Variants in ALMS1 observed in about 807,000 individuals in gnomAD.
ALMS1 encodes the protein centrosome-associated protein ALMS1.
A neutral mutation model predicts 352.2 loss-of-function variants in ALMS1; 271 were observed. That is an observed-to-expected ratio of 0.77 (90% CI 0.70 to 0.85). ALMS1 has a LOEUF of 0.85. Among genes scored for constraint, ALMS1 ranks in the 40% least tolerant of loss-of-function variants. The probability of loss-of-function intolerance (pLI) is 0.00; values close to 1 mark genes in which losing one functional copy is unlikely to be tolerated. For missense variants in ALMS1, 5,445 were observed against 4,870.7 expected (o/e 1.12, Z -3.51); for synonymous variants, 1,865 against 1,761.2 (o/e 1.06, Z -1.48).
chr2:73,405,807 G>A (rs1026842863), intron 1 of ALMS1, among the ~76,000 whole-genome samples: 22 of 151,726 alleles, frequency 1.4e-4, no homozygotes, highest in East Asian at 5.8e-4. Context: ...TACTTCTGTC[G>A]TGACCCATTG....
intron 12 of ALMS1, among the ~76,000 whole-genome samples, 168 bp downstream of exon 12, chr2:73,535,117 T>C (rs889955088): frequency 5.9e-5 from 9 of 152,224 alleles, no homozygotes; most frequent in Non-Finnish European, 1.0e-4. Flanking sequence ...TGATCAGATA[T>C]ATACACATAA....
rs1029393339 is a variant in ALMS1 at position 73,419,215 on chromosome 2, T to A, written c.543T>A (p.Asp181Glu). ...SQTRFNVRTEDTEVTDFPSLE... is the reference protein window; with the variant it reads ...SQTRFNVRTEETEVTDFPSLE... ...CTAGGTTTAATGTGAGAACGGAAGA[T>A]ACTGAAGTGACAGACTTCCCCTCTC... Residue 181 changes from aspartate to glutamate, a missense_variant, in exon 3 of 23, where the codon GAT (aspartate) becomes GAA (glutamate). Transcript: ENST00000613296. 1 of 1,613,854 alleles carries A rather than the reference T, an allele frequency of 6.2e-7. No individual in the cohort carries two copies. Among genetic ancestry groups the A allele is most frequent in the African/African-American group, 1.3e-5 (1 of 74,944 alleles).
In ALMS1 at chr2:73,451,954, A is replaced by G; in HGVS notation, c.5427A>G (p.Arg1809=). The G allele has an allele frequency of 6.2e-7, 1 of 1,613,806 alleles. No homozygotes were observed. The highest frequency in any genetic ancestry group is 1.1e-5 in the South Asian group (1 of 91,066). ...TAACCTCTACTTCCTACTCACACAG[A>G]GAGAAGCCCATTGTTTCCTACCAGC... ...STVTSTSYSH[R]EKPIVSYQRE... The change falls in exon 8 of 23, where the codon AGA becomes AGG. Residue 1809 remains arginine, a synonymous_variant. Transcript: ENST00000613296.
chr2:73,482,735 G>C (rs1390995628), intron 9 of ALMS1, among the ~76,000 whole-genome samples: 1 of 151,960 alleles, frequency 6.6e-6, no homozygotes, highest in East Asian at 1.9e-4. Context: ...GTAAGCTATT[G>C]ATTATTGCCA....
chr2:73,386,341 TGCCG>T, intron 1 of ALMS1, 149 bp downstream of exon 1: 2 of 1,164,810 alleles, frequency 1.7e-6, no homozygotes, highest in Non-Finnish European at 2.3e-6. Flanking sequence ...CCAGCCCAGG[TGCCG>T]GCCGGCTGCT....
At chr2:73,505,795 A>G (rs930349328) in intron 10 of ALMS1, among the ~76,000 whole-genome samples, 2 of 152,116 alleles carry the variant, frequency 1.3e-5, no homozygotes, top group African/African-American at 4.8e-5. Context: ...CTTTAGTTTA[A>G]TTAGATCTAA....
At chr2:73,395,519 T>TC (rs1459613060) in intron 1 of ALMS1, among the ~76,000 whole-genome samples, 1 of 152,170 alleles carries the variant, frequency 6.6e-6, no homozygotes, top group African/African-American at 2.4e-5. Context: ...CTTTTTTTCT[T>TC]AAATTCTTCA....
At chr2:73,429,425 G>A (rs574967788) in intron 6 of ALMS1, among the ~76,000 whole-genome samples, 4 of 152,012 alleles carry the variant, frequency 2.6e-5, no homozygotes, top group Non-Finnish European at 5.9e-5. Flanking sequence ...GGGATTACAG[G>A]TGCCTGCCAC....
intron 6 of ALMS1, among the ~76,000 whole-genome samples, chr2:73,429,185 C>T (rs920442576): frequency 6.6e-6 from 1 of 151,712 alleles, no homozygotes; most frequent in African/African-American, 2.4e-5. Context: ...TTTGCTGAAA[C>T]TAGACTACTA....
chr2:73,479,263 G>C (rs1672646380), intron 9 of ALMS1, among the ~76,000 whole-genome samples: 1 of 151,986 alleles, frequency 6.6e-6, no homozygotes, highest in Admixed American at 6.6e-5. Context: ...TTGCATAACT[G>C]TGGTGATATA....
intron 13 of ALMS1, 80 bp downstream of exon 13, chr2:73,550,517 C>A: frequency 1.9e-6 from 3 of 1,556,846 alleles, no homozygotes; most frequent in East Asian, 2.3e-5. Flanking sequence ...AATCTTTATC[C>A]TTTTTTTCTG....
rs766361400 is a variant in ALMS1, at chr2:73,408,622, A to G, written c.325A>G (p.Ile109Val). 6.2e-7 allele frequency: 1 copy of G among 1,612,866 alleles called. No homozygotes were observed. The highest frequency in any genetic ancestry group is 1.3e-5 in the African/African-American group (1 of 74,968). ...SEGERTSLEK[I>V]VPLTCHVWQQ... ...ATTTAAGCCTGCTTTTGATTTTCAGATTGTTCCATTGACCTGTCATGTATG... is the reference window on the plus strand; with the variant it reads ...ATTTAAGCCTGCTTTTGATTTTCAGGTTGTTCCATTGACCTGTCATGTATG... Residue 109 changes from isoleucine to valine, a missense_variant and splice_region_variant, in exon 2 of 23, where the codon ATT (isoleucine) becomes GTT (valine). By Grantham distance (29) the Ile-to-Val change is conservative. Transcript: ENST00000613296.
intron 12 of ALMS1, among the ~76,000 whole-genome samples, chr2:73,549,568 T>A (rs2104032308): frequency 6.6e-6 from 1 of 152,348 alleles, no homozygotes; most frequent in African/African-American, 2.4e-5. Context: ...TTCTTTTCTT[T>A]GCTTATGCTA....
At position 73,449,038 on chromosome 2, in the gene ALMS1, T is replaced by G. The variant is rs1202025416; in HGVS notation, c.2511T>G (p.Val837=). The G allele has an allele frequency of 6.2e-7, 1 of 1,613,934 alleles. No homozygotes were observed. Among genetic ancestry groups the G allele is most frequent in the Non-Finnish European group, 8.5e-7 (1 of 1,179,944 alleles). ...DSHLPEEALK[V]SAVSGPADGK... ...ATCTACCCGAAGAGGCTCTGAAAGT[T>G]TCAGCTGTTTCTGGACCAGCTGACG... The change falls in exon 8 of 23, where the codon GTT becomes GTG. Residue 837 remains valine (V), a synonymous_variant. Coordinates refer to ENST00000613296, the MANE Select transcript of ALMS1 (RefSeq NM_001378454.1).
At chr2:73,608,089 T>C (rs974605436) in intron 21 of ALMS1, among the ~76,000 whole-genome samples, 1 of 152,212 alleles carries the variant, frequency 6.6e-6, no homozygotes, top group Non-Finnish European at 1.5e-5. Context: ...TTAGTACTTT[T>C]CCATAATTTC....
At chr2:73,417,481 A>G (rs1182415998) in intron 2 of ALMS1, among the ~76,000 whole-genome samples, 1 of 152,228 alleles carries the variant, frequency 6.6e-6, no homozygotes, top group Non-Finnish European at 1.5e-5. Flanking sequence ...TTGTGACCAT[A>G]TATGTGTGAA....
In ALMS1 at chr2:73,450,360, C is replaced by T. The variant is rs1292358818; in HGVS notation, c.3833C>T (p.Thr1278Ile). Residue 1278 changes from threonine to isoleucine, a missense_variant, in exon 8 of 23, where the codon ACA becomes ATA. Coordinates refer to ENST00000613296, the MANE Select transcript of ALMS1 (RefSeq NM_001378454.1). ...ASEPVDQTTG[T>I]PAVTSTSYSQ... Reference sequence around the variant, plus strand: ...GAACCAGTTGACCAGACAACTGGCACACCAGCTGTAACCTCTACTTCCTAC... The same window carrying T: ...GAACCAGTTGACCAGACAACTGGCATACCAGCTGTAACCTCTACTTCCTAC... The T allele has an allele frequency of 6.2e-7, 1 of 1,613,074 alleles. No homozygotes were observed. The highest frequency in any genetic ancestry group is 2.2e-5 in the East Asian group (1 of 44,842).
chr2:73,544,389 T>C (rs1236239952), intron 12 of ALMS1, among the ~76,000 whole-genome samples: 2 of 152,018 alleles, frequency 1.3e-5, no homozygotes, highest in East Asian at 1.9e-4. Flanking sequence ...CGGGGAGGGA[T>C]AGCATTAGGA....
Position 73,450,149 on chromosome 2 carries a change from G to A in ALMS1, c.3622G>A (p.Gly1208Ser). The A allele has an allele frequency of 1.9e-6, 3 of 1,614,044 alleles. No individual in the cohort carries two copies. The highest frequency in any genetic ancestry group is 2.5e-6 in the Non-Finnish European group (3 of 1,179,984). ...PGIFYQQTLP[G>S]SHIPEEAQKV... ...TATTTTCTATCAACAGACCTTGCCAGGTAGTCACATACCTGAAGAGGCACA... is the reference window on the plus strand; with the variant it reads ...TATTTTCTATCAACAGACCTTGCCAAGTAGTCACATACCTGAAGAGGCACA... Residue 1208 changes from glycine to serine, a missense_variant, in exon 8 of 23, where the codon GGT becomes AGT. Physicochemically the swap from Gly to Ser is moderately conservative, Grantham distance 56 (BLOSUM62 0). Transcript: ENST00000613296.
Sources: gnomAD v4.1 joint callset for allele counts (sites outside exome capture counted in the v4.1 genomes callset) on GRCh38, gnomAD v4.1.1 for gene constraint, MANE v1.5 for transcripts, NCBI Gene and HGNC (gene_info 2026-07-23, HGNC 2026-07-21) for gene names.